Variants in OPCML observed in about 807,000 individuals in gnomAD.
OPCML encodes opioid-binding protein/cell adhesion molecule.
In OPCML, 13 loss-of-function variants were observed where a neutral mutation model predicts 37.8. The ratio of observed to expected loss-of-function variants is 0.34; its 90% CI spans 0.22 to 0.55. OPCML has a LOEUF of 0.55. Among genes scored for constraint, OPCML ranks in the 20% least tolerant of loss-of-function variants. The pLI is 0.91. For missense variants in OPCML, 341 were observed against 435.6 expected (o/e 0.78, Z 1.93); for synonymous variants, 176 against 168.8 (o/e 1.04, Z -0.33).
chr11:132,717,117 G>A (rs1013138117), intron 2 of OPCML, among the ~76,000 whole-genome samples: 3 of 152,064 alleles, frequency 2.0e-5, no homozygotes, highest in Non-Finnish European at 4.4e-5. Flanking sequence ...ACTGTACAAG[G>A]ATGGGAAGGG....
chr11:133,369,305 A>G (rs1324684128), intron 1 of OPCML, among the ~76,000 whole-genome samples: 2 of 152,398 alleles, frequency 1.3e-5, no homozygotes, highest in East Asian at 1.9e-4. Context: ...AAGTATTACT[A>G]AACACTTAAT....
At chr11:132,825,858 C>T (rs1940290697) in intron 2 of OPCML, among the ~76,000 whole-genome samples, 1 of 152,092 alleles carries the variant, frequency 6.6e-6, no homozygotes, top group South Asian at 2.1e-4. Flanking sequence ...AGGAATATGC[C>T]CCTGGGCCGA....
chr11:133,220,082 G>A (rs554607097), intron 1 of OPCML, among the ~76,000 whole-genome samples: 11 of 152,050 alleles, frequency 7.2e-5, no homozygotes, highest in Non-Finnish European at 1.5e-4. Context: ...TCAACCCTAA[G>A]ACTGTTGAGG....
chr11:132,863,635 T>A (rs1477202901), intron 2 of OPCML, among the ~76,000 whole-genome samples: 3 of 152,142 alleles, frequency 2.0e-5, no homozygotes, highest in African/African-American at 7.2e-5. Context: ...AACCTAAAAC[T>A]ATGACTCTAA....
At chr11:132,803,141 A>G (rs1213433397) in intron 2 of OPCML, among the ~76,000 whole-genome samples, 3 of 152,160 alleles carry the variant, frequency 2.0e-5, no homozygotes, top group African/African-American at 7.2e-5. Flanking sequence ...ACCTAAGCAA[A>G]TGCATTAGGA....
At chr11:133,365,289 G>T in intron 1 of OPCML, 1 of 152,590 alleles carries the variant, frequency 6.6e-6, no homozygotes, top group South Asian at 2.0e-4. Flanking sequence ...TAGGCTCGGT[G>T]ACTTAAACAG....
intron 2 of OPCML, among the ~76,000 whole-genome samples, chr11:132,658,895 A>G (rs1941829644): frequency 6.6e-6 from 1 of 152,120 alleles, no homozygotes; most frequent in Non-Finnish European, 1.5e-5. Flanking sequence ...GCTTGTGCTG[A>G]TTTGCTTTCA....
chr11:132,444,240 G>A (rs527415509), intron 4 of OPCML, among the ~76,000 whole-genome samples: 4 of 152,282 alleles, frequency 2.6e-5, no homozygotes, highest in South Asian at 2.1e-4. Context: ...TTGGTCACCC[G>A]CCTCCCATGG....
chr11:133,116,399 C>T (rs947276584), intron 1 of OPCML, among the ~76,000 whole-genome samples: 4 of 152,192 alleles, frequency 2.6e-5, no homozygotes, highest in African/African-American at 4.8e-5. Context: ...CTCTGTCATC[C>T]TGGTTCAGGA....
intron 1 of OPCML, among the ~76,000 whole-genome samples, chr11:133,009,992 C>G (rs1380313582): frequency 6.6e-6 from 1 of 152,164 alleles, no homozygotes. Context: ...TTTGAGGAAC[C>G]CTTGAAAGTC....
intron 2 of OPCML, among the ~76,000 whole-genome samples, chr11:132,757,216 T>C (rs2136085794): frequency 6.6e-6 from 1 of 152,336 alleles, no homozygotes; most frequent in Middle Eastern, 3.4e-3. Flanking sequence ...GGCATTTGGG[T>C]TGGTTCCAAC....
At chr11:132,798,314 A>G (rs957423601) in intron 2 of OPCML, among the ~76,000 whole-genome samples, 1 of 151,782 alleles carries the variant, frequency 6.6e-6, no homozygotes, top group Non-Finnish European at 1.5e-5. Context: ...GAAGTGATCC[A>G]CCCGCCTCAG....
chr11:133,190,560 T>C (rs1225249143), intron 1 of OPCML, among the ~76,000 whole-genome samples: 2 of 152,214 alleles, frequency 1.3e-5, no homozygotes, highest in Non-Finnish European at 2.9e-5. Flanking sequence ...GTACAACAAT[T>C]ACTACAATCA....
intron 1 of OPCML, among the ~76,000 whole-genome samples, chr11:133,260,384 T>C (rs1041732957): frequency 1.3e-5 from 2 of 152,088 alleles, no homozygotes; most frequent in African/African-American, 4.8e-5. Context: ...AAAGAGGGTC[T>C]GAGGCTGGGA....
intron 1 of OPCML, among the ~76,000 whole-genome samples, chr11:133,458,944 A>T (rs1394086407): frequency 1.3e-5 from 2 of 151,798 alleles, no homozygotes; most frequent in Non-Finnish European, 2.9e-5. Flanking sequence ...ACATAAATAC[A>T]TTAACAGAAA....
chr11:132,815,262 A>G (rs1336332164), intron 2 of OPCML, among the ~76,000 whole-genome samples: 2 of 152,134 alleles, frequency 1.3e-5, no homozygotes, highest in East Asian at 3.9e-4. Flanking sequence ...AAGTCTTGCT[A>G]TGAGAATAGA....
intron 1 of OPCML, among the ~76,000 whole-genome samples, chr11:133,060,789 C>T (rs1026053098): frequency 1.3e-5 from 2 of 152,240 alleles, no homozygotes; most frequent in African/African-American, 4.8e-5. Flanking sequence ...CCTGGCTAAA[C>T]ACTGCTGACT....
chr11:132,806,869 T>C (rs1939044679), intron 2 of OPCML, among the ~76,000 whole-genome samples: 1 of 152,170 alleles, frequency 6.6e-6, no homozygotes, highest in African/African-American at 2.4e-5. Flanking sequence ...AGAACAAGTC[T>C]GAATACAATT....
intron 2 of OPCML, among the ~76,000 whole-genome samples, chr11:132,723,204 A>G (rs965717384): frequency 7.2e-5 from 11 of 152,238 alleles, no homozygotes; most frequent in Non-Finnish European, 1.2e-4. Context: ...AAAAACAACC[A>G]TAGCAGATTT....
Sources: gnomAD v4.1 joint callset for allele counts (sites outside exome capture counted in the v4.1 genomes callset) on GRCh38, gnomAD v4.1.1 for gene constraint, MANE v1.5 for transcripts, NCBI Gene and HGNC (gene_info 2026-07-23, HGNC 2026-07-21) for gene names.